MAST4: variants seen among roughly 807,000 people sequenced by gnomAD.
MAST4 encodes the protein microtubule-associated serine/threonine-protein kinase 4.
A neutral mutation model predicts 162.7 loss-of-function variants in MAST4; 89 were observed. The observed-to-expected ratio is 0.55, with a 90% CI of 0.46 to 0.65. The LOEUF is 0.65. MAST4 is among the 30% of genes least tolerant of loss of function. The pLI, the probability that MAST4 is intolerant of heterozygous loss-of-function variation, is 0.00. For missense variants in MAST4, 3,153 were observed against 3,374.0 expected (o/e 0.93, Z 1.62); for synonymous variants, 1,479 against 1,361.1 (o/e 1.09, Z -1.91).
chr5:66,701,758 C>T (rs888193666), intron 1 of MAST4, among the ~76,000 whole-genome samples: 7 of 152,118 alleles, frequency 4.6e-5, no homozygotes, highest in South Asian at 4.2e-4. Context: ...GGTTTTTTAA[C>T]CTCCATCTAT....
At chr5:66,885,984 A>C (rs1237996919) in intron 3 of MAST4, among the ~76,000 whole-genome samples, 2 of 152,122 alleles carry the variant, frequency 1.3e-5, no homozygotes, top group African/African-American at 4.8e-5. Flanking sequence ...TCCTCACAAC[A>C]ACTCTGACTT....
intron 4 of MAST4, among the ~76,000 whole-genome samples, chr5:67,041,830 T>C (rs181598485): frequency 1.1e-3 from 165 of 152,352 alleles, no homozygotes; most frequent in Non-Finnish European, 1.9e-3. Context: ...GGTTTCGCCA[T>C]GTTGGCCAGG....
chr5:67,107,116 T>C (rs1402790550), intron 10 of MAST4, among the ~76,000 whole-genome samples: 3 of 152,194 alleles, frequency 2.0e-5, no homozygotes, highest in African/African-American at 7.2e-5. Context: ...CTCTGTGAGA[T>C]ACTCCTAATT....
At chr5:66,907,676 T>C (rs1373894291) in intron 4 of MAST4, among the ~76,000 whole-genome samples, 1 of 151,444 alleles carries the variant, frequency 6.6e-6, no homozygotes, top group Non-Finnish European at 1.5e-5. Flanking sequence ...GCCTGTTATA[T>C]ATCAGAAAAT....
At chr5:67,113,960 C>A in intron 11 of MAST4, 127 bp from the exon 12 acceptor site, 1 of 1,005,144 alleles carries the variant, frequency 9.9e-7, no homozygotes, top group Non-Finnish European at 1.5e-6. Flanking sequence ...AGCCATTTGC[C>A]TCCTTTCTGC....
intron 10 of MAST4, among the ~76,000 whole-genome samples, chr5:67,106,232 T>A (rs1765579085): frequency 6.6e-6 from 1 of 152,184 alleles, no homozygotes; most frequent in Admixed American, 6.5e-5. Context: ...TAGACTCTAA[T>A]GGCTTCAAAT....
intron 1 of MAST4, among the ~76,000 whole-genome samples, chr5:66,622,245 A>C (rs1261198628): frequency 6.6e-6 from 1 of 152,148 alleles, no homozygotes; most frequent in Non-Finnish European, 1.5e-5. Flanking sequence ...TCTGGAGAGA[A>C]GGGGAAACAG....
intron 3 of MAST4, among the ~76,000 whole-genome samples, chr5:66,816,992 A>G (rs906909250): frequency 8.5e-5 from 13 of 152,136 alleles, no homozygotes; most frequent in Middle Eastern, 3.4e-3. Flanking sequence ...TCTCAAACCT[A>G]CCCTTACCCT....
chr5:67,052,351 T>C (rs1758288832), intron 4 of MAST4, among the ~76,000 whole-genome samples: 1 of 152,136 alleles, frequency 6.6e-6, no homozygotes, highest in African/African-American at 2.4e-5. Context: ...TAGACATTTC[T>C]TTTTGATATT....
Position 67,054,473 on chromosome 5 carries a change from A to C in MAST4, c.744A>C (p.Ser248=). 6.2e-7 allele frequency: 1 copy of C among 1,608,888 alleles called. No homozygotes were observed. The highest frequency in any genetic ancestry group is 8.5e-7 in the Non-Finnish European group (1 of 1,177,734). The change falls in exon 5 of 29, where the codon TCA becomes TCC. Residue 248 remains serine (S), a synonymous_variant. Transcript: ENST00000403625. ...CACCAGCATTGCCTCGACCACACTC[A>C]CCTCTCTCTGCTCATGCAGGTAATT... ...GQSPALPRPH[S]PLSAHAGNSP... is the part of the protein sequence containing the mutation.
chr5:66,709,712 A>G (rs1750373102), intron 1 of MAST4, among the ~76,000 whole-genome samples: 1 of 152,202 alleles, frequency 6.6e-6, no homozygotes. Context: ...TAAACATTCA[A>G]TTAAGTTATA....
intron 4 of MAST4, among the ~76,000 whole-genome samples, chr5:66,960,660 G>A (rs573994921): frequency 1.3e-5 from 2 of 152,306 alleles, no homozygotes; most frequent in South Asian, 4.2e-4. Context: ...TTGTTGTGCT[G>A]TTTCCTGGTT....
At chr5:67,049,754 G>A (rs138752467) in intron 4 of MAST4, among the ~76,000 whole-genome samples, 8 of 152,210 alleles carry the variant, frequency 5.3e-5, no homozygotes, top group African/African-American at 9.6e-5. Flanking sequence ...ACTGCCTGTC[G>A]GGGTTTCCTC....
At chr5:67,023,341 G>C (rs1237472972) in intron 4 of MAST4, among the ~76,000 whole-genome samples, 1 of 152,110 alleles carries the variant, frequency 6.6e-6, no homozygotes, top group Non-Finnish European at 1.5e-5. Context: ...ATCTTTTCTA[G>C]CAATCTAGAG....
intron 15 of MAST4, among the ~76,000 whole-genome samples, chr5:67,131,365 A>G (rs1768943441): frequency 6.6e-6 from 1 of 152,194 alleles, no homozygotes; most frequent in Non-Finnish European, 1.5e-5. Flanking sequence ...TAATTCTCGT[A>G]AGAATTCTAA....
intron 1 of MAST4, among the ~76,000 whole-genome samples, chr5:66,699,858 C>T (rs897500979): frequency 1.3e-5 from 2 of 152,000 alleles, no homozygotes; most frequent in African/African-American, 2.4e-5. Context: ...AGCAAACCAC[C>T]GTGGCACACA....
intron 4 of MAST4, among the ~76,000 whole-genome samples, chr5:66,961,708 G>A (rs558928138): frequency 2.6e-5 from 4 of 152,174 alleles, no homozygotes; most frequent in East Asian, 1.9e-4. Context: ...GTGTGTTTCC[G>A]CATAGAGACT....
At chr5:66,759,888 G>T (rs368157509) in intron 2 of MAST4, 26 bp downstream of exon 2, 1 of 1,612,276 alleles carries the variant, frequency 6.2e-7, no homozygotes, top group African/African-American at 1.3e-5. Flanking sequence ...TTGGATGAGA[G>T]AAGGAATTGC....
At position 66,835,052 on chromosome 5, in the gene MAST4, C is replaced by T. The variant is rs576987760; in HGVS notation, c.642+46258C>T. 3.9e-5 allele frequency among the ~76,000 whole-genome samples: 6 copies of T among 152,282 alleles called. No individual in the cohort carries two copies. The South Asian group carries it at 1.2e-3, about 32-fold the overall frequency. On this transcript the variant is annotated intron_variant, in intron 3 of 28. Coordinates refer to ENST00000403625, the MANE Select transcript of MAST4 (RefSeq NM_001164664.2). Reference sequence around the variant, plus strand: ...CGGAATGCAATGCACCTACACCACCCATCTCTGCTCCCCTTGAAACCCCTT... The same window carrying T: ...CGGAATGCAATGCACCTACACCACCTATCTCTGCTCCCCTTGAAACCCCTT...
Sources: allele counts gnomAD v4.1 joint callset (sites outside exome capture counted in the v4.1 genomes callset), GRCh38; gene constraint gnomAD v4.1.1; transcripts MANE v1.5; gene names NCBI Gene and HGNC (gene_info 2026-07-23, HGNC 2026-07-21).